Variants in BNC2 observed in about 807,000 individuals in gnomAD.
The protein encoded by BNC2 is basonuclin zinc finger protein 2, also known as zinc finger protein basonuclin-2.
A neutral mutation model predicts 76.3 loss-of-function variants in BNC2; 20 were observed. That is an observed-to-expected ratio of 0.26 (90% CI 0.18 to 0.38). The LOEUF is 0.38. Among genes scored for constraint, BNC2 ranks in the 10% least tolerant of loss-of-function variants. The pLI is 1.00. For synonymous variants in BNC2, 582 were observed against 514.8 expected (o/e 1.13, Z -1.77); for missense variants, 1,382 against 1,399.8 (o/e 0.99, Z 0.20).
chr9:16,499,379 T>G (rs982497339), intron 5 of BNC2, among the ~76,000 whole-genome samples: 2 of 152,094 alleles, frequency 1.3e-5, no homozygotes, highest in Non-Finnish European at 2.9e-5. Context: ...ATTAATTAAA[T>G]ATTAATTATA....
chr9:16,747,351 TA>T (rs56369047), intron 1 of BNC2, among the ~76,000 whole-genome samples: 130,911 of 152,172 alleles, frequency 0.86, 56,708 homozygotes, highest in Non-Finnish European at 0.91. Context: ...AAGATACAAT[TA>T]ACAGTAAAAT....
intron 1 of BNC2, among the ~76,000 whole-genome samples, chr9:16,809,089 A>G (rs975435213): frequency 1.3e-5 from 2 of 152,180 alleles, no homozygotes; most frequent in Non-Finnish European, 2.9e-5. Flanking sequence ...GAATTGTTTC[A>G]TATCAAATTC....
chr9:16,851,207 T>G (rs965041427), intron 1 of BNC2, among the ~76,000 whole-genome samples: 2 of 152,220 alleles, frequency 1.3e-5, no homozygotes, highest in African/African-American at 2.4e-5. Context: ...ACTTAAAAAG[T>G]ATTTAAAATC....
chr9:16,449,360 T>G (rs1821292136), intron 5 of BNC2, among the ~76,000 whole-genome samples: 1 of 152,208 alleles, frequency 6.6e-6, no homozygotes, highest in Non-Finnish European at 1.5e-5. Context: ...TGCACAAATC[T>G]TATTAATATT....
chr9:16,606,223 A>G (rs573472638), intron 3 of BNC2, among the ~76,000 whole-genome samples: 1 of 152,380 alleles, frequency 6.6e-6, no homozygotes. Flanking sequence ...ATAAAAGACA[A>G]AAACTTGAGA....
At chr9:16,431,839 T>C (rs1820913403) in intron 6 of BNC2, among the ~76,000 whole-genome samples, 1 of 152,134 alleles carries the variant, frequency 6.6e-6, no homozygotes, top group African/African-American at 2.4e-5. Flanking sequence ...ATCCCTCACA[T>C]GCACATTTCA....
Position 16,435,943 on chromosome 9 carries a change from T to C in BNC2, c.2251A>G (p.Lys751Glu). 4 of 1,614,158 alleles carry C rather than the reference T, an allele frequency of 2.5e-6. No homozygotes were observed. The highest frequency in any genetic ancestry group is 3.4e-6 in the Non-Finnish European group (4 of 1,180,020). The change falls in exon 6 of 7, where the codon AAA becomes GAA. Residue 751 changes from lysine to glutamate, a missense_variant. This residue lies in a region of BNC2 where 798 missense variants were observed against 775.5 expected (regional missense o/e 1.03). Transcript: ENST00000380672. ...DEHIHSEVSEKVLMNSERPDE... is the reference protein window; with the variant it reads ...DEHIHSEVSEEVLMNSERPDE... ...GGCCTCTCACTATTCATCAGGACTT[T>C]TTCACTCACTTCGCTGTGAATGTGC... is the stretch of plus-strand genomic sequence containing the variant.
intron 5 of BNC2, among the ~76,000 whole-genome samples, chr9:16,515,024 C>T (rs143745611): frequency 6.6e-6 from 1 of 152,266 alleles, no homozygotes; most frequent in East Asian, 1.9e-4. Flanking sequence ...AGGGAACAGA[C>T]GGGAGGAAAG....
chr9:16,525,173 T>G (rs889675440), intron 5 of BNC2, among the ~76,000 whole-genome samples: 1 of 152,144 alleles, frequency 6.6e-6, no homozygotes, highest in Non-Finnish European at 1.5e-5. Flanking sequence ...TAGTTCACAT[T>G]GTTTTAAGGA....
intron 5 of BNC2, among the ~76,000 whole-genome samples, chr9:16,515,561 C>A (rs578209851): frequency 2.2e-4 from 33 of 152,064 alleles, no homozygotes; most frequent in African/African-American, 7.2e-4. Flanking sequence ...AGATCTGACG[C>A]TTAGTGAGGA....
intron 5 of BNC2, among the ~76,000 whole-genome samples, chr9:16,522,820 T>A (rs1817660304): frequency 6.6e-6 from 1 of 152,010 alleles, no homozygotes; most frequent in Non-Finnish European, 1.5e-5. Context: ...CACTTTATAT[T>A]CTCCTGAGGA....
At chr9:16,461,197 CT>C (rs758257401) in intron 5 of BNC2, among the ~76,000 whole-genome samples, 23 of 152,266 alleles carry the variant, frequency 1.5e-4, no homozygotes, top group Non-Finnish European at 3.1e-4. Context: ...ATGCCGCTCA[CT>C]TGAATCAGTA....
intron 5 of BNC2, among the ~76,000 whole-genome samples, chr9:16,502,264 T>A (rs969524121): frequency 1.3e-5 from 2 of 152,156 alleles, no homozygotes; most frequent in Admixed American, 1.3e-4. Flanking sequence ...CTTGGAAGGA[T>A]CACTTGAATT....
At chr9:16,446,186 C>G (rs542905416) in intron 5 of BNC2, among the ~76,000 whole-genome samples, 1 of 152,234 alleles carries the variant, frequency 6.6e-6, no homozygotes, top group African/African-American at 2.4e-5. Flanking sequence ...GACCTTGGCT[C>G]ACTCTTATTA....
intron 1 of BNC2, among the ~76,000 whole-genome samples, chr9:16,810,585 C>T (rs1199361979): frequency 6.6e-6 from 1 of 152,264 alleles, no homozygotes; most frequent in Non-Finnish European, 1.5e-5. Context: ...ATCCCAAGCA[C>T]TGCTTCTCAA....
chr9:16,833,965 T>C (rs1200338958), intron 1 of BNC2, among the ~76,000 whole-genome samples: 2 of 152,136 alleles, frequency 1.3e-5, no homozygotes, highest in Non-Finnish European at 2.9e-5. Context: ...TCTCAGGCCT[T>C]CAGTCCTTTT....
At chr9:16,615,013 G>A (rs1820659905) in intron 3 of BNC2, among the ~76,000 whole-genome samples, 15 of 136,318 alleles carry the variant, frequency 1.1e-4, no homozygotes, top group Admixed American at 2.3e-4. Context: ...AAGCCAAGCA[G>A]GCCAGTTACC....
intron 3 of BNC2, among the ~76,000 whole-genome samples, chr9:16,616,152 T>C (rs750004668): frequency 3.3e-5 from 5 of 151,470 alleles, no homozygotes; most frequent in Non-Finnish European, 7.4e-5. Flanking sequence ...TTTGGGAGGC[T>C]GGGGTGGGAG....
intron 1 of BNC2, among the ~76,000 whole-genome samples, chr9:16,829,399 T>C (rs533309596): frequency 1.3e-4 from 20 of 152,196 alleles, no homozygotes; most frequent in Non-Finnish European, 2.6e-4. Flanking sequence ...ATTAGGTGAC[T>C]GGGTGATTAC....
Sources: gnomAD v4.1 joint callset for allele counts (sites outside exome capture counted in the v4.1 genomes callset) on GRCh38, gnomAD v4.1.1 for gene constraint, gnomAD v4.1.1 regional missense constraint, MANE v1.5 for transcripts, NCBI Gene and HGNC (gene_info 2026-07-23, HGNC 2026-07-21) for gene names.